Variants in RIPOR2 observed in about 807,000 individuals in gnomAD.
The protein encoded by RIPOR2 is RHO family interacting cell polarization regulator 2.
In RIPOR2, 39 loss-of-function variants were observed where a neutral mutation model predicts 114.5. The ratio of observed to expected loss-of-function variants is 0.34; its 90% CI spans 0.26 to 0.44. RIPOR2 has a LOEUF of 0.44. Ranked by LOEUF, RIPOR2 falls within the 20% of genes least tolerant of loss-of-function variation. The pLI is 1.00. For synonymous variants in RIPOR2, 445 were observed against 484.4 expected (o/e 0.92, Z 1.07); for missense variants, 1,007 against 1,255.1 (o/e 0.80, Z 2.99).
intron 1 of RIPOR2, chr6:25,015,373 C>G (rs1581953733): frequency 2.0e-5 from 3 of 152,344 alleles, no homozygotes; most frequent in African/African-American, 7.2e-5. Context: ...AAATACACAC[C>G]ATTTACACAT....
At chr6:24,857,765 C>T (rs541204625) in intron 8 of RIPOR2, among the ~76,000 whole-genome samples, 22 of 152,316 alleles carry the variant, frequency 1.4e-4, no homozygotes, top group Non-Finnish European at 2.5e-4. Context: ...TATGCACTGC[C>T]TGGAACTTAA....
At chr6:24,887,727 C>A (rs115161578) in intron 1 of RIPOR2, among the ~76,000 whole-genome samples, 1 of 152,294 alleles carries the variant, frequency 6.6e-6, no homozygotes, top group Non-Finnish European at 1.5e-5. Flanking sequence ...ATGTTAATAG[C>A]ATTTCTATTC....
intron 1 of RIPOR2, among the ~76,000 whole-genome samples, chr6:25,033,685 A>G (rs1359549046): frequency 6.6e-6 from 1 of 152,162 alleles, no homozygotes; most frequent in Non-Finnish European, 1.5e-5. Flanking sequence ...TTATATTTGT[A>G]TCTGCCTTCT....
At chr6:24,962,894 G>T (rs1190208503) in intron 1 of RIPOR2, among the ~76,000 whole-genome samples, 1 of 152,144 alleles carries the variant, frequency 6.6e-6, no homozygotes, top group Non-Finnish European at 1.5e-5. Context: ...AAAAATGAAT[G>T]ACTCAAGGTA....
chr6:24,861,843 T>C (rs893456859), intron 7 of RIPOR2, among the ~76,000 whole-genome samples: 1 of 152,188 alleles, frequency 6.6e-6, no homozygotes, highest in African/African-American at 2.4e-5. Flanking sequence ...TACCAATTGG[T>C]AAATCTAGAT....
chr6:24,906,809 C>CT (rs777297044), intron 1 of RIPOR2, among the ~76,000 whole-genome samples: 17 of 151,076 alleles, frequency 1.1e-4, no homozygotes, highest in Non-Finnish European at 1.8e-4. Flanking sequence ...GCTAATTTTT[C>CT]TTTTTTTTTC....
intron 1 of RIPOR2, among the ~76,000 whole-genome samples, chr6:25,004,776 T>G (rs1775476560): frequency 6.6e-6 from 1 of 151,208 alleles, no homozygotes; most frequent in Non-Finnish European, 1.5e-5. Context: ...GCATCTAGTT[T>G]GTGTGTGTGT....
At chr6:24,913,761 TC>T (rs1414269933) in intron 1 of RIPOR2, among the ~76,000 whole-genome samples, 2 of 152,172 alleles carry the variant, frequency 1.3e-5, no homozygotes, top group Non-Finnish European at 2.9e-5. Flanking sequence ...GCTGTTCACT[TC>T]CTTTTAGGTT....
chr6:24,910,370 G>A (rs2817730), intron 1 of RIPOR2, among the ~76,000 whole-genome samples: 30,913 of 152,024 alleles, frequency 0.2, 3,296 homozygotes, highest in African/African-American at 0.27. Flanking sequence ...TGCCATCCCA[G>A]CCCTGAGCTG....
intron 1 of RIPOR2, among the ~76,000 whole-genome samples, chr6:24,908,333 G>T (rs1769194925): frequency 6.6e-6 from 1 of 152,208 alleles, no homozygotes; most frequent in East Asian, 1.9e-4. Context: ...TGCAATAAAT[G>T]ATTAAATAAA....
At position 24,843,080 on chromosome 6, in the gene RIPOR2, C is replaced by G; in HGVS notation, c.1639G>C (p.Val547Leu). ...ACCTCTGCAGATGTGAGCCTCTTGA[C>G]CAGCTGCTTTGTGATGTTTCCTTCC... ...TSEGNITKQL[V>L]KRLTSAEVPM... The change falls in exon 13 of 22, where the codon GTC becomes CTC. Residue 547 changes from valine to leucine, a missense_variant. Val to Leu is a conservative substitution (Grantham distance 32). Coordinates refer to ENST00000643898, the MANE Select transcript of RIPOR2 (RefSeq NM_001286445.3). 1 of 1,613,838 alleles carries G rather than the reference C, an allele frequency of 6.2e-7. No individual in the cohort carries two copies. Among genetic ancestry groups the G allele is most frequent in the Non-Finnish European group, 8.5e-7 (1 of 1,179,742 alleles).
At chr6:25,012,227 CAT>C (rs1775803194) in intron 1 of RIPOR2, among the ~76,000 whole-genome samples, 1 of 152,098 alleles carries the variant, frequency 6.6e-6, no homozygotes, top group African/African-American at 2.4e-5. Flanking sequence ...AATATAATAA[CAT>C]ATGTTCTTGA....
intron 1 of RIPOR2, among the ~76,000 whole-genome samples, chr6:24,877,846 T>C (rs1765949921): frequency 6.6e-6 from 1 of 152,130 alleles, no homozygotes; most frequent in Admixed American, 6.5e-5. Context: ...AAGCTAATTC[T>C]GATTGGCTAT....
At chr6:24,884,815 A>G (rs1034838417) in intron 1 of RIPOR2, among the ~76,000 whole-genome samples, 3 of 152,226 alleles carry the variant, frequency 2.0e-5, no homozygotes, top group Admixed American at 1.3e-4. Flanking sequence ...ATCTCTGTAG[A>G]TGGCTGGATT....
chr6:24,833,760 G>C (rs537014302), intron 15 of RIPOR2, among the ~76,000 whole-genome samples: 1 of 152,052 alleles, frequency 6.6e-6, no homozygotes, highest in East Asian at 1.9e-4. Context: ...CTACATCTTT[G>C]TATCCACCTC....
At position 24,839,935 on chromosome 6, in the gene RIPOR2, C is replaced by CTTTTTTTTT. The variant is rs760508182; in HGVS notation, c.1858-672_1858-664dup. 3.5e-4 allele frequency: 121 copies of CTTTTTTTTT among 344,450 alleles called. 9 individuals carry two copies. The African/African-American group carries it at 3.6e-3, about 10-fold the overall frequency. The allele number at this position is 344,450 out of a possible 1,614,324, so 21.3% of individuals were successfully genotyped here. The stretch of plus-strand genomic sequence containing the variant: ...GTTCCCTAGGTAAGAAGCCCTGCAT[C>CTTTTTTTTT]TTTTTTTTTTTTTTTTTTTTTTTTT... On this transcript the variant is annotated intron_variant, in intron 13 of 21. Coordinates refer to ENST00000643898, the MANE Select transcript of RIPOR2 (RefSeq NM_001286445.3).
At chr6:24,900,878 C>A (rs535009705) in intron 1 of RIPOR2, among the ~76,000 whole-genome samples, 1 of 151,580 alleles carries the variant, frequency 6.6e-6, no homozygotes, top group East Asian at 2.0e-4. Context: ...TTTTAAGAGA[C>A]GGGGTTGTCA....
At position 24,858,848 on chromosome 6, in the gene RIPOR2, A is replaced by T. The variant is rs1424925850; in HGVS notation, c.715+2125T>A. 1.3e-5 allele frequency among the ~76,000 whole-genome samples: 2 copies of T among 152,184 alleles called. No individual in the cohort carries two copies. The highest frequency in any genetic ancestry group is 2.9e-5 in the Non-Finnish European group (2 of 68,024). On this transcript the variant is annotated intron_variant, in intron 8 of 21. Coordinates refer to ENST00000643898, the MANE Select transcript of RIPOR2 (RefSeq NM_001286445.3). The surrounding 1 kb of genome is among the most constrained non-coding windows in gnomAD (Gnocchi z 4.0). ...GTGGCCAGGTCCCCCAGTAGGTGGC[A>T]GGGACTCCAGCATCATCTCCTCCCT...
rs560202584 is a variant in RIPOR2, at chr6:24,835,238, C to T, written c.2208+465G>A. 5.1e-4 allele frequency among the ~76,000 whole-genome samples: 78 copies of T among 152,268 alleles called. 1 individual carries two copies. Among genetic ancestry groups the T allele is most frequent in the Middle Eastern group, 3.4e-3 (1 of 294 alleles). On this transcript the variant is annotated intron_variant, in intron 15 of 21. Coordinates refer to ENST00000643898, the MANE Select transcript of RIPOR2 (RefSeq NM_001286445.3). ...CCTAGAGAATTATATCTTAGCATTG[C>T]TAATAAGAATTACTTATTCAAGGTC...
Sources: gnomAD v4.1 joint callset for allele counts (sites outside exome capture counted in the v4.1 genomes callset) on GRCh38, gnomAD v4.1.1 for gene constraint, Gnocchi (gnomAD v3.1) non-coding constraint, MANE v1.5 for transcripts, NCBI Gene and HGNC (gene_info 2026-07-23, HGNC 2026-07-21) for gene names.